Variants in GNG2 observed in about 807,000 individuals in gnomAD.
The protein encoded by GNG2 is G protein subunit gamma 2, also known as guanine nucleotide-binding protein G(I)/G(S)/G(O) subunit gamma-2.
A neutral mutation model predicts 5.5 loss-of-function variants in GNG2; 5 were observed. The observed-to-expected ratio is 0.91, with a 90% CI of 0.48 to 1.92. The LOEUF (loss-of-function observed/expected upper bound fraction) is 1.92. Ranked by LOEUF, GNG2 falls within the 30% of genes most tolerant of loss-of-function variation. The pLI is 0.01. For missense variants in GNG2, 55 were observed against 88.4 expected (o/e 0.62, Z 1.52); for synonymous variants, 28 against 32.0 (o/e 0.88, Z 0.42).
rs571594840 is a variant in GNG2, at chr14:51,880,513, A to T, written c.-30+2856A>T. ...GAAATAGATCACTGGGTTATTTTTT[A>T]AAAATCATCTTTTGAGTAGAATATG... On this transcript the variant is annotated intron_variant, in intron 2 of 3. Transcript: ENST00000556766. Among the ~76,000 whole-genome samples the T allele has an allele frequency of 1.4e-3, 219 of 152,316 alleles. 1 individual carries two copies. The highest frequency in any genetic ancestry group is 5.1e-3 in the African/African-American group (213 of 41,576).
intron 2 of GNG2, among the ~76,000 whole-genome samples, chr14:51,879,920 A>G (rs1167945667): frequency 6.6e-6 from 1 of 152,154 alleles, no homozygotes; most frequent in Non-Finnish European, 1.5e-5. Flanking sequence ...GCCTACTACA[A>G]AGTCAAAGAG....
At chr14:51,958,595 C>T (rs1002643729) in intron 3 of GNG2, among the ~76,000 whole-genome samples, 1 of 152,100 alleles carries the variant, frequency 6.6e-6, no homozygotes, top group African/African-American at 2.4e-5. Flanking sequence ...CAGTGAGACA[C>T]CTGGCTCCCC....
chr14:51,889,295 T>G (rs907786172), intron 2 of GNG2, among the ~76,000 whole-genome samples: 16 of 151,960 alleles, frequency 1.1e-4, no homozygotes, highest in African/African-American at 3.9e-4. Context: ...GTATTTTTAG[T>G]AGAGACGGGG....
chr14:51,896,973 C>T (rs1036333801), intron 2 of GNG2, among the ~76,000 whole-genome samples: 10 of 152,066 alleles, frequency 6.6e-5, no homozygotes, highest in Admixed American at 3.3e-4. Context: ...TGACAGCCAT[C>T]ACAAATAATA....
chr14:51,937,996 T>C (rs1170818093), intron 2 of GNG2, among the ~76,000 whole-genome samples: 1 of 152,156 alleles, frequency 6.6e-6, no homozygotes, highest in African/African-American at 2.4e-5. Context: ...CCAGAATTAG[T>C]GAGGTAACGC....
At chr14:51,928,121 C>G (rs1887442674) in intron 2 of GNG2, among the ~76,000 whole-genome samples, 1 of 149,566 alleles carries the variant, frequency 6.7e-6, no homozygotes, top group Non-Finnish European at 1.5e-5. Flanking sequence ...ACCTCCACCT[C>G]CTGGAATCAA....
intron 2 of GNG2, among the ~76,000 whole-genome samples, chr14:51,920,835 A>C (rs1375442425): frequency 2.0e-5 from 3 of 152,104 alleles, no homozygotes; most frequent in African/African-American, 7.2e-5. Flanking sequence ...AGCCCCAATA[A>C]ATTGCAACTG....
intron 2 of GNG2, chr14:51,914,369 C>A: frequency 1.5e-6 from 1 of 675,520 alleles, no homozygotes; most frequent in Non-Finnish European, 2.7e-6. Flanking sequence ...ATAGCTCCTG[C>A]TCTAATCCTT....
intron 2 of GNG2, among the ~76,000 whole-genome samples, chr14:51,883,015 AAAAAAAAG>A: frequency 6.6e-6 from 1 of 151,402 alleles, no homozygotes; most frequent in Admixed American, 6.6e-5. Context: ...ATCTCAAAAA[AAAAAAAAG>A]AAAAAAAAAA....
chr14:51,954,204 A>C (rs1319542173), intron 3 of GNG2, among the ~76,000 whole-genome samples: 1 of 152,128 alleles, frequency 6.6e-6, no homozygotes, highest in East Asian at 1.9e-4. Flanking sequence ...AAGTGAACCA[A>C]TTATCTGTTC....
At chr14:51,888,741 G>T (rs1048223064) in intron 2 of GNG2, among the ~76,000 whole-genome samples, 3 of 152,198 alleles carry the variant, frequency 2.0e-5, no homozygotes, top group African/African-American at 7.2e-5. Context: ...AATTGTGTTT[G>T]TTAATCCCTG....
At chr14:51,873,144 AAGG>A (rs1883420941) in intron 1 of GNG2, among the ~76,000 whole-genome samples, 1 of 152,216 alleles carries the variant, frequency 6.6e-6, no homozygotes, top group Non-Finnish European at 1.5e-5. Context: ...CTTCATCCTT[AAGG>A]AGAAAGGCAT....
intron 2 of GNG2, among the ~76,000 whole-genome samples, chr14:51,880,976 A>G (rs1884023469): frequency 6.7e-6 from 1 of 150,328 alleles, no homozygotes; most frequent in Non-Finnish European, 1.5e-5. Flanking sequence ...AGAAAAAAAA[A>G]AAAAAAAAAA....
intron 2 of GNG2, among the ~76,000 whole-genome samples, chr14:51,944,647 A>G (rs941469533): frequency 1.2e-4 from 19 of 152,344 alleles, no homozygotes; most frequent in African/African-American, 4.6e-4. Context: ...ACAAAAATGA[A>G]CTTAAAATGG....
upstream of GNG2, chr14:51,860,406 G>A (rs1408437615): frequency 6.5e-6 from 1 of 153,104 alleles, no homozygotes; most frequent in African/African-American, 2.4e-5. Flanking sequence ...CAGCACCAGA[G>A]GGACTTGAAC....
At chr14:51,835,625 C>A (rs1881309142) in intron 2 of GNG2, among the ~76,000 whole-genome samples, 1 of 152,160 alleles carries the variant, frequency 6.6e-6, no homozygotes, top group Admixed American at 6.5e-5. Flanking sequence ...ATCTAGAAAG[C>A]CATTTTAAGG....
chr14:51,963,171 T>G (rs964649973), intron 3 of GNG2, among the ~76,000 whole-genome samples: 1 of 152,228 alleles, frequency 6.6e-6, no homozygotes, highest in African/African-American at 2.4e-5. Context: ...CACAGGAGAT[T>G]GCAGTCTTGT....
rs141183472 is a variant in GNG2 at position 51,919,112 on chromosome 14, A to C, written c.-29-31538A>C. Among the ~76,000 whole-genome samples the C allele has an allele frequency of 4.8e-3, 737 of 152,314 alleles. 2 individuals are homozygous for C. Among genetic ancestry groups the C allele is most frequent in the Admixed American group, 8.8e-3 (135 of 15,304 alleles). On this transcript the variant is annotated intron_variant, in intron 2 of 3. Transcript: ENST00000556766. Reference sequence around the variant, plus strand: ...AGTGCTGGCATTACAGGCATGAGCCACCGCGTCCGGCCTAGAAAACTTTTA... The same window carrying C: ...AGTGCTGGCATTACAGGCATGAGCCCCCGCGTCCGGCCTAGAAAACTTTTA...
intron 2 of GNG2, among the ~76,000 whole-genome samples, chr14:51,907,169 G>A (rs1885985670): frequency 6.6e-6 from 1 of 152,176 alleles, no homozygotes; most frequent in Non-Finnish European, 1.5e-5. Context: ...AGTCTCCTTG[G>A]ACCGAGCTAG....
Sources: allele counts gnomAD v4.1 joint callset (sites outside exome capture counted in the v4.1 genomes callset), GRCh38; gene constraint gnomAD v4.1.1; transcripts MANE v1.5; gene names NCBI Gene and HGNC (gene_info 2026-07-23, HGNC 2026-07-21).